Variants in ATP9B observed in about 807,000 individuals in gnomAD.
ATP9B encodes the protein ATPase phospholipid transporting 9B.
ATP9B carries 110 observed loss-of-function variants against 146.1 expected under a neutral mutation model. The observed-to-expected ratio is 0.75, with a 90% CI of 0.65 to 0.88. The LOEUF (loss-of-function observed/expected upper bound fraction) is 0.88, where lower values mean the gene tolerates loss of function less well. Among genes scored for constraint, ATP9B ranks in the 40% least tolerant of loss-of-function variants. The pLI is 0.00. For synonymous variants in ATP9B, 604 were observed against 569.7 expected (o/e 1.06, Z -0.86); for missense variants, 1,499 against 1,496.4 (o/e 1.00, Z -0.03).
At chr18:79,220,262 T>G (rs1389969445) in intron 11 of ATP9B, among the ~76,000 whole-genome samples, 1 of 152,216 alleles carries the variant, frequency 6.6e-6, no homozygotes, top group Non-Finnish European at 1.5e-5. Context: ...TTATCTAAAA[T>G]TATAAGCTTT....
In ATP9B at chr18:79,297,758, A is replaced by G. The variant is rs1318995650; in HGVS notation, c.1412-5846A>G. Among the ~76,000 whole-genome samples, 3 of 112,798 alleles carry G rather than the reference A, an allele frequency of 2.7e-5. 1 individual carries two copies. The highest frequency in any genetic ancestry group is 6.0e-5 in the Non-Finnish European group (3 of 50,090). 74.0% of individuals were successfully genotyped at this position (112,798 alleles called of 152,430 possible). The stretch of plus-strand genomic sequence containing the variant: ...CAGCTACTCAGGGACTTAGGATTTC[A>G]TGTTTCGCCTTGATAAGACTCTACA... On this transcript the variant is annotated intron_variant, in intron 13 of 29. Coordinates refer to ENST00000426216, the MANE Select transcript of ATP9B (RefSeq NM_198531.5).
chr18:79,114,577 A>G (rs751817847), intron 4 of ATP9B, among the ~76,000 whole-genome samples: 1 of 152,188 alleles, frequency 6.6e-6, no homozygotes, highest in Non-Finnish European at 1.5e-5. Context: ...TGCTGAGGGA[A>G]ATTTTTTGAT....
chr18:79,211,791 C>T (rs571086195), intron 10 of ATP9B, among the ~76,000 whole-genome samples: 6 of 152,248 alleles, frequency 3.9e-5, no homozygotes, highest in African/African-American at 1.4e-4. Flanking sequence ...TTTTAATCTA[C>T]CAACATGGTC....
At chr18:79,192,373 A>T (rs2095375139) in intron 8 of ATP9B, among the ~76,000 whole-genome samples, 1 of 152,144 alleles carries the variant, frequency 6.6e-6, no homozygotes, top group Non-Finnish European at 1.5e-5. Flanking sequence ...ACCCGAAATT[A>T]GATGGTTTAT....
At chr18:79,197,896 A>AT (rs1267755428) in intron 9 of ATP9B, among the ~76,000 whole-genome samples, 1 of 152,186 alleles carries the variant, frequency 6.6e-6, no homozygotes, top group Non-Finnish European at 1.5e-5. Flanking sequence ...ACGAGAACGG[A>AT]TTTTTTCCTT....
At chr18:79,276,946 G>C in intron 12 of ATP9B, 108 bp from the exon 13 acceptor site, 1 of 1,502,650 alleles carries the variant, frequency 6.7e-7, no homozygotes, top group Admixed American at 1.7e-5. Flanking sequence ...CTTGGACATG[G>C]GTCTGGATCA....
At chr18:79,162,919 C>G (rs1365095775) in intron 7 of ATP9B, among the ~76,000 whole-genome samples, 2 of 152,194 alleles carry the variant, frequency 1.3e-5, no homozygotes, top group African/African-American at 4.8e-5. Context: ...ACACTTGATG[C>G]ACCCTCCTAT....
chr18:79,180,548 T>C (rs1048761422), intron 8 of ATP9B, among the ~76,000 whole-genome samples: 9 of 152,222 alleles, frequency 5.9e-5, no homozygotes, highest in African/African-American at 1.9e-4. Flanking sequence ...CATTACTGTT[T>C]TTTTTTGTTC....
At chr18:79,102,240 A>G (rs760573181) in intron 2 of ATP9B, among the ~76,000 whole-genome samples, 2 of 152,114 alleles carry the variant, frequency 1.3e-5, no homozygotes, top group Non-Finnish European at 2.9e-5. Context: ...TGAGGTCTGA[A>G]TTATTGCTTT....
rs145861683 is a variant in ATP9B, at chr18:79,323,746, G to T, written c.1774-5395G>T. 7.2e-5 allele frequency among the ~76,000 whole-genome samples: 11 copies of T among 152,326 alleles called. No homozygotes were observed. In the East Asian group the frequency reaches 2.1e-3, roughly 29 times the overall value. On this transcript the variant is annotated intron_variant, in intron 15 of 29. Transcript: ENST00000426216. ...GCTGATTCCATAACGTGGCCACTGTGAACAGTGCCGCAGTACACGTAGGGG... is the reference window on the plus strand; with the variant it reads ...GCTGATTCCATAACGTGGCCACTGTTAACAGTGCCGCAGTACACGTAGGGG...
chr18:79,287,159 T>C (rs1399771844), intron 13 of ATP9B, among the ~76,000 whole-genome samples: 3 of 152,236 alleles, frequency 2.0e-5, no homozygotes, highest in Non-Finnish European at 2.9e-5. Context: ...GATTCCCTCA[T>C]TTTCTATTGA....
At chr18:79,252,970 T>C (rs1316590548) in intron 11 of ATP9B, among the ~76,000 whole-genome samples, 1 of 152,210 alleles carries the variant, frequency 6.6e-6, no homozygotes, top group Non-Finnish European at 1.5e-5. Context: ...GCGTAGCACA[T>C]GCAAGGAAGA....
intron 15 of ATP9B, among the ~76,000 whole-genome samples, chr18:79,320,541 G>GC (rs2096709565): frequency 6.6e-6 from 1 of 152,248 alleles, no homozygotes; most frequent in African/African-American, 2.4e-5. Flanking sequence ...TTGTCACTGA[G>GC]CTAGCTGCCG....
At chr18:79,127,274 C>T (rs2094302964) in intron 5 of ATP9B, among the ~76,000 whole-genome samples, 1 of 152,168 alleles carries the variant, frequency 6.6e-6, no homozygotes, top group Admixed American at 6.5e-5. Context: ...GTGCAGCCAT[C>T]ACCAACACTG....
chr18:79,093,811 G>A (rs1256881247), intron 1 of ATP9B, among the ~76,000 whole-genome samples: 1 of 152,176 alleles, frequency 6.6e-6, no homozygotes, highest in Non-Finnish European at 1.5e-5. Context: ...AAGAACTTCT[G>A]TTTTTCTATT....
intron 24 of ATP9B, 54 bp downstream of exon 24, chr18:79,347,979 G>T: frequency 6.2e-7 from 1 of 1,604,798 alleles, no homozygotes. Context: ...GGAAGGGCAG[G>T]GTCCGGGAAG....
intron 1 of ATP9B, chr18:79,085,839 T>C (rs1409431435): frequency 6.6e-6 from 1 of 152,222 alleles, no homozygotes; most frequent in Admixed American, 6.5e-5. Context: ...GTCTACTGTC[T>C]GATTATTGGG....
intron 5 of ATP9B, among the ~76,000 whole-genome samples, chr18:79,128,351 A>G (rs1309173137): frequency 6.6e-6 from 1 of 152,142 alleles, no homozygotes; most frequent in African/African-American, 2.4e-5. Context: ...AGCCACGCCC[A>G]TCCCTTTTGC....
Position 79,377,598 on chromosome 18 carries a change from T to TG in ATP9B, c.*216dup. ...CTGCCAGGCAAGCCCAGGGCACAGA[T>TG]GCCAGGATGGCTTCTCCCTCTCAGT... On this transcript the variant is annotated 3_prime_UTR_variant, in exon 30 of 30. Coordinates refer to ENST00000426216, the MANE Select transcript of ATP9B (RefSeq NM_198531.5). 1.6e-6 allele frequency: 1 copy of TG among 609,926 alleles called. No homozygotes were observed. The highest frequency in any genetic ancestry group is 3.1e-5 in the Admixed American group (1 of 32,568). The allele number at this position is 609,926 out of a possible 1,614,324, so 37.8% of individuals were successfully genotyped here. A position where few individuals can be genotyped will look rare whatever the true frequency, so the allele number is the denominator to read the frequency against.
Sources: gnomAD v4.1 joint callset for allele counts (sites outside exome capture counted in the v4.1 genomes callset) on GRCh38, gnomAD v4.1.1 for gene constraint, MANE v1.5 for transcripts, NCBI Gene and HGNC (gene_info 2026-07-23, HGNC 2026-07-21) for gene names.